CSMD3: variants seen among roughly 807,000 people sequenced by gnomAD.
CSMD3 encodes CUB and sushi domain-containing protein 3.
Under a neutral mutation model 435.2 loss-of-function variants are expected in CSMD3, and 177 were observed. That is an observed-to-expected ratio of 0.41 (90% CI 0.36 to 0.46). The LOEUF (loss-of-function observed/expected upper bound fraction) is 0.46, where lower values mean the gene tolerates loss of function less well. Among genes scored for constraint, CSMD3 ranks in the 20% least tolerant of loss-of-function variants. The probability of loss-of-function intolerance (pLI) is 0.34; values close to 1 mark genes in which losing one functional copy is unlikely to be tolerated. For missense variants in CSMD3, 4,265 were observed against 4,504.6 expected (o/e 0.95, Z 1.52); for synonymous variants, 1,656 against 1,520.5 (o/e 1.09, Z -2.07).
chr8:113,210,415 G>A lies in CSMD3; in HGVS notation c.515-36499C>T, dbSNP rs80162506. Among the ~76,000 whole-genome samples the A allele has an allele frequency of 9.1e-3, 1,378 of 151,896 alleles. 14 individuals carry two copies. The highest frequency in any genetic ancestry group is 0.032 in the African/African-American group (1,327 of 41,378). ...ACAAACTAAATTTAGAATACATATA[G>A]AATCTATTTCTCATTCCTCAAACAA... On this transcript the variant is annotated intron_variant, in intron 3 of 70. Transcript: ENST00000297405.
At chr8:113,425,638 G>A (rs1254081441) in intron 1 of CSMD3, among the ~76,000 whole-genome samples, 3 of 151,338 alleles carry the variant, frequency 2.0e-5, no homozygotes, top group Non-Finnish European at 4.4e-5. Context: ...CACTTTTCTA[G>A]AAAATGGATC....
intron 10 of CSMD3, 112 bp from the exon 11 acceptor site, chr8:112,859,378 T>C (rs901548568): frequency 6.3e-5 from 55 of 872,278 alleles, no homozygotes; most frequent in Middle Eastern, 2.2e-4. Flanking sequence ...TATAACCACA[T>C]TGAAATATAT....
intron 22 of CSMD3, among the ~76,000 whole-genome samples, chr8:112,599,493 AT>A (rs1832109648): frequency 6.6e-6 from 1 of 151,648 alleles, no homozygotes; most frequent in Non-Finnish European, 1.5e-5. Flanking sequence ...TAGAAATACC[AT>A]TTGACCCAGC....
intron 2 of CSMD3, among the ~76,000 whole-genome samples, chr8:113,303,233 T>C (rs943014383): frequency 1.5e-3 from 201 of 135,936 alleles, no homozygotes; most frequent in African/African-American, 5.5e-3. Flanking sequence ...CAAGGAGAAC[T>C]ACAAACCACT....
In CSMD3 at chr8:113,410,098, AAATT is replaced by A. The variant is rs547692765; in HGVS notation, c.178+26575_178+26578del. 3.3e-3 allele frequency among the ~76,000 whole-genome samples: 496 copies of A among 152,338 alleles called. 1 individual carries two copies. The highest frequency in any genetic ancestry group is 5.5e-3 in the Non-Finnish European group (372 of 68,036). On this transcript the variant is annotated intron_variant, in intron 1 of 70. Transcript: ENST00000297405. ...TTCTTCTAGTCCATGTATGATAAAT[AAATT>A]ATCTCTCACACAAACAGATATAAAC...
intron 10 of CSMD3, among the ~76,000 whole-genome samples, chr8:112,898,297 A>T (rs1295088384): frequency 1.3e-5 from 2 of 151,164 alleles, no homozygotes; most frequent in Non-Finnish European, 3.0e-5. Flanking sequence ...TACCAGTAAT[A>T]TAATTATGCT....
At chr8:113,183,055 A>G (rs1225615836) in intron 3 of CSMD3, among the ~76,000 whole-genome samples, 2 of 152,040 alleles carry the variant, frequency 1.3e-5, no homozygotes, top group Non-Finnish European at 2.9e-5. Context: ...CCTGCCGGAC[A>G]GAGATTCTGA....
intron 2 of CSMD3, among the ~76,000 whole-genome samples, chr8:113,309,032 T>A (rs1338099176): frequency 6.6e-6 from 1 of 152,110 alleles, no homozygotes; most frequent in Non-Finnish European, 1.5e-5. Flanking sequence ...CACTGCAACC[T>A]CCGCTTCCTG....
intron 1 of CSMD3, among the ~76,000 whole-genome samples, chr8:113,407,576 G>A (rs762502886): frequency 1.2e-4 from 18 of 151,870 alleles, no homozygotes; most frequent in Non-Finnish European, 2.9e-5. Context: ...ATATGTGTGT[G>A]TGTGTGTTTG....
chr8:112,357,803 T>C (rs1826780796), intron 38 of CSMD3, among the ~76,000 whole-genome samples: 1 of 152,170 alleles, frequency 6.6e-6, no homozygotes, highest in African/African-American at 2.4e-5. Flanking sequence ...CAGGTAGAAG[T>C]TTGCTGCAGA....
chr8:112,263,983 A>G (rs1816692247), intron 60 of CSMD3, among the ~76,000 whole-genome samples, 171 bp from the exon 61 acceptor site: 1 of 152,186 alleles, frequency 6.6e-6, no homozygotes, highest in South Asian at 2.1e-4. Context: ...TCCTGGAATT[A>G]ATCCCTGCAG....
At chr8:112,897,688 C>CTG (rs1196498048) in intron 10 of CSMD3, among the ~76,000 whole-genome samples, 2 of 89,888 alleles carry the variant, frequency 2.2e-5, no homozygotes, top group African/African-American at 8.1e-5. Flanking sequence ...CTCTCTCTCT[C>CTG]TCTCTCTGTG....
At chr8:112,663,323 C>A (rs1218709926) in intron 17 of CSMD3, among the ~76,000 whole-genome samples, 1 of 151,962 alleles carries the variant, frequency 6.6e-6, no homozygotes, top group Non-Finnish European at 1.5e-5. Flanking sequence ...ATGATGAGTT[C>A]ATGTCCTTTG....
chr8:112,828,937 T>C (rs2079779956), intron 12 of CSMD3, among the ~76,000 whole-genome samples: 1 of 152,076 alleles, frequency 6.6e-6, no homozygotes, highest in Non-Finnish European at 1.5e-5. Context: ...TGTGTGACTA[T>C]GAGTTTAACC....
chr8:112,465,607 T>C (rs1264340067), intron 32 of CSMD3, among the ~76,000 whole-genome samples: 2 of 152,134 alleles, frequency 1.3e-5, no homozygotes, highest in East Asian at 3.9e-4. Context: ...GCTTAAAAAA[T>C]AGGGGTTTCC....
chr8:112,726,657 C>T (rs981854687), intron 13 of CSMD3, among the ~76,000 whole-genome samples: 4 of 151,888 alleles, frequency 2.6e-5, no homozygotes, highest in Admixed American at 1.3e-4. Flanking sequence ...AGACATTACT[C>T]ATCCAACCAA....
At chr8:113,310,273 A>C (rs1455156538) in intron 2 of CSMD3, 1 of 152,090 alleles carries the variant, frequency 6.6e-6, no homozygotes, top group Non-Finnish European at 1.5e-5. Flanking sequence ...AGGAAAAGGA[A>C]TTTAAAAATG....
chr8:113,324,638 G>A (rs1163835532), intron 1 of CSMD3, among the ~76,000 whole-genome samples: 1 of 152,174 alleles, frequency 6.6e-6, no homozygotes, highest in African/African-American at 2.4e-5. Context: ...TTAGGGTAGT[G>A]CGGATAAGAA....
chr8:112,927,308 G>A (rs922306901), intron 9 of CSMD3, among the ~76,000 whole-genome samples: 8 of 152,024 alleles, frequency 5.3e-5, no homozygotes, highest in African/African-American at 1.9e-4. Context: ...AGGTACTTTT[G>A]AGTCTAATTC....
Sources: allele counts gnomAD v4.1 joint callset (sites outside exome capture counted in the v4.1 genomes callset), GRCh38; gene constraint gnomAD v4.1.1; transcripts MANE v1.5; gene names NCBI Gene and HGNC (gene_info 2026-07-23, HGNC 2026-07-21).